SLC7A1: variants seen among roughly 807,000 people sequenced by gnomAD.
SLC7A1 encodes the protein solute carrier family 7 member 1, also known as high affinity cationic amino acid transporter 1.
In SLC7A1, 10 loss-of-function variants were observed where a neutral mutation model predicts 53.9. The observed-to-expected ratio is 0.19, with a 90% CI of 0.11 to 0.31. SLC7A1 has a LOEUF of 0.31. Ranked by LOEUF, SLC7A1 falls within the 10% of genes least tolerant of loss-of-function variation. The pLI is 1.00. For missense variants in SLC7A1, 525 were observed against 827.2 expected (o/e 0.63, Z 4.48); for synonymous variants, 342 against 338.7 (o/e 1.01, Z -0.11).
chr13:29,578,697 G>A (rs1264120482), intron 1 of SLC7A1, among the ~76,000 whole-genome samples: 2 of 152,220 alleles, frequency 1.3e-5, no homozygotes, highest in Non-Finnish European at 2.9e-5. Context: ...GCTCTTGCCC[G>A]GTGCCTTTTC....
At position 29,514,518 on chromosome 13, in the gene SLC7A1, C is replaced by T; in HGVS notation, c.1852G>A (p.Ala618Thr). 6.2e-7 allele frequency: 1 copy of T among 1,611,316 alleles called. No homozygotes were observed. The highest frequency in any genetic ancestry group is 2.2e-5 in the East Asian group (1 of 44,866). The part of the protein sequence containing the change: ...SEEASLDADQ[A>T]RTPDGNLDQC... ...TCCAAGTTGCCGTCAGGAGTCCTTG[C>T]TTGGTCGGCATCCAGGGACGCCTCC... Residue 618 changes from alanine to threonine, a missense_variant, in exon 13 of 13, where the codon GCA becomes ACA. This residue lies in a region of SLC7A1 where 41 missense variants were observed against 61.3 expected (regional missense o/e 0.67). Coordinates refer to ENST00000380752, the MANE Select transcript of SLC7A1 (RefSeq NM_003045.5).
At chr13:29,533,955 T>C (rs1869289838) in intron 3 of SLC7A1, among the ~76,000 whole-genome samples, 1 of 152,188 alleles carries the variant, frequency 6.6e-6, no homozygotes, top group South Asian at 2.1e-4. Flanking sequence ...ATTTCACTAT[T>C]TGGTCTTATG....
chr13:29,551,741 CA>C (rs1387650662), intron 2 of SLC7A1, among the ~76,000 whole-genome samples: 3 of 152,172 alleles, frequency 2.0e-5, no homozygotes, highest in Non-Finnish European at 4.4e-5. Flanking sequence ...AGCACCTAAA[CA>C]GGGAAGGAAA....
intron 5 of SLC7A1, among the ~76,000 whole-genome samples, chr13:29,525,942 C>T (rs927777816): frequency 3.9e-5 from 6 of 152,236 alleles, no homozygotes; most frequent in African/African-American, 1.2e-4. Flanking sequence ...CCAGAGGCCC[C>T]GCCGGCCACC....
intron 2 of SLC7A1, among the ~76,000 whole-genome samples, chr13:29,543,661 TGG>T (rs1157896015): frequency 3.0e-5 from 2 of 67,212 alleles, no homozygotes; most frequent in East Asian, 7.2e-4. Flanking sequence ...GGGAGAAGGG[TGG>T]GGAGGAGGCA....
intron 11 of SLC7A1, chr13:29,516,817 A>T (rs1348064358): frequency 1.6e-5 from 4 of 246,438 alleles, no homozygotes; most frequent in Non-Finnish European, 3.1e-5. Context: ...CACTGATCAC[A>T]AGGGACATTT....
intron 9 of SLC7A1, among the ~76,000 whole-genome samples, chr13:29,518,758 C>T (rs1024552275): frequency 1.3e-5 from 2 of 152,072 alleles, no homozygotes; most frequent in African/African-American, 4.8e-5. Context: ...TGAGGAGGCT[C>T]TTGAGGGGAG....
chr13:29,591,296 A>G (rs943760687), intron 1 of SLC7A1, among the ~76,000 whole-genome samples: 2 of 152,222 alleles, frequency 1.3e-5, no homozygotes, highest in African/African-American at 4.8e-5. Flanking sequence ...ATTATTATGC[A>G]AACAATATGA....
chr13:29,528,841 C>T (rs139818510), intron 5 of SLC7A1, among the ~76,000 whole-genome samples: 17 of 152,186 alleles, frequency 1.1e-4, no homozygotes, highest in East Asian at 5.8e-4. Context: ...GTCTGGGGGC[C>T]GGTACAGCTA....
At chr13:29,514,924 G>C (rs1426885478) in intron 12 of SLC7A1, among the ~76,000 whole-genome samples, 1 of 152,206 alleles carries the variant, frequency 6.6e-6, no homozygotes, top group Non-Finnish European at 1.5e-5. Context: ...CGAGAGTATC[G>C]AGAATGTGCA....
At position 29,595,686 on chromosome 13, in the gene SLC7A1, T is replaced by C. The variant is rs1872286240; in HGVS notation, c.-385A>G. The C allele has an allele frequency of 6.7e-6, 1 of 149,910 alleles. No homozygotes were observed. Among genetic ancestry groups the C allele is most frequent in the Non-Finnish European group, 1.5e-5 (1 of 67,010 alleles). 9.3% of individuals were successfully genotyped at this position (149,910 alleles called of 1,614,324 possible). A position where few individuals can be genotyped will look rare whatever the true frequency, so the allele number is the denominator to read the frequency against. On this transcript the variant is annotated 5_prime_UTR_variant, in exon 1 of 13. Coordinates refer to ENST00000380752, the MANE Select transcript of SLC7A1 (RefSeq NM_003045.5). Reference sequence around the variant, plus strand: ...TTCCGGCGCCAGGTTTCATCAGCAGTGCGCCCGGCCCCCGCCCCTCGCGCT... The same window carrying C: ...TTCCGGCGCCAGGTTTCATCAGCAGCGCGCCCGGCCCCCGCCCCTCGCGCT...
chr13:29,517,040 C>T (rs1883577342), intron 11 of SLC7A1, 104 bp downstream of exon 11: 1 of 1,153,954 alleles, frequency 8.7e-7, no homozygotes. Context: ...CAAAAACCTT[C>T]CTCGGGAGCA....
intron 1 of SLC7A1, among the ~76,000 whole-genome samples, chr13:29,584,783 G>T (rs887173000): frequency 7.2e-5 from 11 of 152,114 alleles, no homozygotes; most frequent in Non-Finnish European, 1.6e-4. Flanking sequence ...TTTTCAAGAA[G>T]AACTATTTAA....
chr13:29,530,470 T>C (rs1869095381), intron 5 of SLC7A1, 68 bp downstream of exon 5: 1 of 1,381,416 alleles, frequency 7.2e-7, no homozygotes, highest in African/African-American at 1.4e-5. Context: ...TCCTAGCCAG[T>C]TATATCCCCC....
chr13:29,554,325 T>C (rs1433060914), intron 1 of SLC7A1, among the ~76,000 whole-genome samples: 4 of 152,176 alleles, frequency 2.6e-5, no homozygotes, highest in Non-Finnish European at 4.4e-5. Context: ...TGGACTCCAA[T>C]TCGTACAATC....
rs1883579810 is a variant in SLC7A1, at chr13:29,517,131, C to T, written c.1677+13G>A. 3 of 1,583,380 alleles carry T rather than the reference C, an allele frequency of 1.9e-6. No individual in the cohort carries two copies. In the East Asian group the frequency reaches 6.8e-5, roughly 36 times the overall value. On this transcript the variant is annotated intron_variant, in intron 11 of 12. Transcript: ENST00000380752. ...TGTGTACCAGGGTTCCTTCCCTAGG[C>T]CGAGCTGCTCACCTTAAATGAGAGC...
intron 5 of SLC7A1, among the ~76,000 whole-genome samples, chr13:29,528,527 A>T (rs1409466047): frequency 1.5e-4 from 23 of 152,100 alleles, no homozygotes; most frequent in Admixed American, 1.5e-3. Context: ...TGCATGTTAT[A>T]TGGATTGGTT....
intron 1 of SLC7A1, among the ~76,000 whole-genome samples, chr13:29,579,588 C>T (rs1871556967): frequency 6.6e-6 from 1 of 152,124 alleles, no homozygotes; most frequent in Non-Finnish European, 1.5e-5. Flanking sequence ...GTCTCAAACT[C>T]CTGACCTCAG....
intron 5 of SLC7A1, among the ~76,000 whole-genome samples, chr13:29,527,822 T>A (rs935301564): frequency 1.3e-5 from 2 of 152,208 alleles, no homozygotes; most frequent in Admixed American, 1.3e-4. Context: ...TGACATCAAC[T>A]GTTAGTTGTG....
Sources: gnomAD v4.1 joint callset for allele counts (sites outside exome capture counted in the v4.1 genomes callset) on GRCh38, gnomAD v4.1.1 for gene constraint, gnomAD v4.1.1 regional missense constraint, MANE v1.5 for transcripts, NCBI Gene and HGNC (gene_info 2026-07-23, HGNC 2026-07-21) for gene names.